The following CPB1 variants were observed in gnomAD, a reference collection of about 807,000 sequenced individuals.
The protein encoded by CPB1 is carboxypeptidase B.
CPB1 carries 53 observed loss-of-function variants against 51.4 expected under a neutral mutation model. That is an observed-to-expected ratio of 1.03 (90% CI 0.83 to 1.30). The LOEUF is 1.30. Among genes scored for constraint, CPB1 ranks in the 50% most tolerant of loss-of-function variants. The probability of loss-of-function intolerance (pLI) is 0.00; values close to 1 mark genes in which losing one functional copy is unlikely to be tolerated. For missense variants in CPB1, 494 were observed against 516.2 expected (o/e 0.96, Z 0.42); for synonymous variants, 189 against 186.9 (o/e 1.01, Z -0.09).
chr3:148,844,231 A>G (rs1277288973), intron 6 of CPB1, among the ~76,000 whole-genome samples: 2 of 152,192 alleles, frequency 1.3e-5, no homozygotes, highest in African/African-American at 4.8e-5. Flanking sequence ...ATTAAAGTAA[A>G]AAGTTAAAAT....
Position 148,834,488 on chromosome 3 carries a change from C to A in CPB1, c.148-10C>A, listed in dbSNP as rs1712833997. Reference sequence around the variant, plus strand: ...TTATAGGTATCCAATATATCTTGTCCTTTATTCAGATTGACTTCTGGAAGC... The same window carrying A: ...TTATAGGTATCCAATATATCTTGTCATTTATTCAGATTGACTTCTGGAAGC... On this transcript the variant is annotated splice_polypyrimidine_tract_variant and intron_variant, in intron 2 of 10. Coordinates refer to ENST00000282957, the MANE Select transcript of CPB1 (RefSeq NM_001871.3). The A allele has an allele frequency of 1.9e-6, 3 of 1,612,114 alleles. No individual in the cohort carries two copies. Among genetic ancestry groups the A allele is most frequent in the Non-Finnish European group, 2.5e-6 (3 of 1,178,498 alleles).
intron 9 of CPB1, among the ~76,000 whole-genome samples, chr3:148,848,439 T>C (rs1237180837): frequency 6.6e-6 from 1 of 152,100 alleles, no homozygotes; most frequent in Non-Finnish European, 1.5e-5. Flanking sequence ...AAGGAAACAA[T>C]GAGGACTTAC....
Position 148,840,768 on chromosome 3 carries a change from T to C in CPB1, c.355T>C (p.Tyr119His). Residue 119 changes from tyrosine (Y) to histidine (H), a missense_variant, in exon 4 of 11, where the codon TAC becomes CAC. Physicochemically the swap from Tyr to His is moderately conservative, Grantham distance 83 (BLOSUM62 2). Coordinates refer to ENST00000282957, the MANE Select transcript of CPB1 (RefSeq NM_001871.3). The part of the protein sequence containing the change: ...VRATGHSYEK[Y>H]NKWETIEAWT... ...TGCAACAGGACACAGTTATGAGAAG[T>C]ACAACAAGTGGGAAACGGTATGATG... The C allele has an allele frequency of 6.2e-7, 1 of 1,614,122 alleles. No individual in the cohort carries two copies. The highest frequency in any genetic ancestry group is 8.5e-7 in the Non-Finnish European group (1 of 1,179,986).
At chr3:148,852,420 C>T (rs1490496950) in intron 9 of CPB1, among the ~76,000 whole-genome samples, 6 of 152,108 alleles carry the variant, frequency 3.9e-5, no homozygotes, top group Non-Finnish European at 5.9e-5. Flanking sequence ...CACAGAACAG[C>T]CCTCCCATCC....
At chr3:148,845,692 A>C (rs1713215723) in intron 9 of CPB1, 66 bp downstream of exon 9, 3 of 1,309,448 alleles carry the variant, frequency 2.3e-6, no homozygotes, top group Non-Finnish European at 1.1e-6. Context: ...ATCCTGAAAA[A>C]AAAATCATTA....
intron 3 of CPB1, among the ~76,000 whole-genome samples, chr3:148,839,265 G>T (rs1172903795): frequency 1.3e-5 from 2 of 152,148 alleles, no homozygotes; most frequent in African/African-American, 2.4e-5. Flanking sequence ...AAAGGGCAAG[G>T]AATTAGATTC....
Position 148,840,910 on chromosome 3 carries a change from C to A in CPB1, c.409C>A (p.Pro137Thr), listed in dbSNP as rs1713055818. ...AWTQQVATEN[P>T]ALISRSVIGT... ...GACTCAACAAGTCGCCACTGAGAAT[C>A]CAGCCCTCATCTCTCGCAGTGTTAT... Residue 137 changes from proline to threonine, a missense_variant, in exon 5 of 11, where the codon CCA (proline) becomes ACA (threonine). Pro to Thr is a conservative substitution (Grantham distance 38). Transcript: ENST00000282957. 1 of 1,614,158 alleles carries A rather than the reference C, an allele frequency of 6.2e-7. No homozygotes were observed.
intron 3 of CPB1, among the ~76,000 whole-genome samples, chr3:148,836,017 T>C (rs1226382108): frequency 6.6e-6 from 1 of 152,186 alleles, no homozygotes; most frequent in East Asian, 1.9e-4. Flanking sequence ...TTCAGCTTTC[T>C]TATCCATAAA....
intron 10 of CPB1, among the ~76,000 whole-genome samples, chr3:148,859,501 T>C (rs1168821870): frequency 6.6e-6 from 1 of 152,188 alleles, no homozygotes; most frequent in Non-Finnish European, 1.5e-5. Flanking sequence ...TCCTGAGAGA[T>C]ACACATCCTT....
chr3:148,846,023 T>TAGCAGAGCAC (rs1211260563), intron 9 of CPB1, among the ~76,000 whole-genome samples: 1 of 152,208 alleles, frequency 6.6e-6, no homozygotes, highest in Non-Finnish European at 1.5e-5. Context: ...ATCCAGAGCA[T>TAGCAGAGCAC]AGCAGAGCAC....
chr3:148,843,305 T>C (rs560430781), intron 6 of CPB1, among the ~76,000 whole-genome samples: 21 of 152,280 alleles, frequency 1.4e-4, no homozygotes, highest in African/African-American at 5.1e-4. Flanking sequence ...ACTTTTGCAA[T>C]TCTTCTGTAC....
At chr3:148,829,524 C>T (rs764880603) in intron 2 of CPB1, among the ~76,000 whole-genome samples, 1 of 152,126 alleles carries the variant, frequency 6.6e-6, no homozygotes, top group Non-Finnish European at 1.5e-5. Context: ...TTTGTGCTTA[C>T]CTAATTGACT....
intron 2 of CPB1, 96 bp downstream of exon 2, chr3:148,828,173 T>C (rs1712629095): frequency 3.1e-6 from 3 of 982,458 alleles, no homozygotes; most frequent in Non-Finnish European, 4.6e-6. Context: ...ATATTAACTA[T>C]AGCATTTTGG....
chr3:148,850,353 G>C (rs1713388200), intron 9 of CPB1, among the ~76,000 whole-genome samples: 1 of 152,150 alleles, frequency 6.6e-6, no homozygotes. Context: ...CCAGGCTGGA[G>C]TGCAGTGGTG....
chr3:148,834,886 T>C (rs996846853), intron 3 of CPB1, among the ~76,000 whole-genome samples: 3 of 152,220 alleles, frequency 2.0e-5, no homozygotes, highest in Non-Finnish European at 4.4e-5. Flanking sequence ...TGGTCCATTT[T>C]ACAAGCAATG....
At chr3:148,856,220 C>T (rs1032165828) in intron 9 of CPB1, 5 of 152,160 alleles carry the variant, frequency 3.3e-5, no homozygotes, top group Non-Finnish European at 2.9e-5. Flanking sequence ...ATGTTAGTTC[C>T]AGGAAGCTGA....
At chr3:148,836,304 T>G (rs1712900351) in intron 3 of CPB1, among the ~76,000 whole-genome samples, 2 of 152,252 alleles carry the variant, frequency 1.3e-5, no homozygotes, top group South Asian at 4.1e-4. Flanking sequence ...AGATATAACC[T>G]GGTAAGTCTC....
intron 9 of CPB1, chr3:148,852,047 G>A (rs1270434205): frequency 6.6e-6 from 1 of 152,098 alleles, no homozygotes; most frequent in African/African-American, 2.4e-5. Context: ...AATTTAACTG[G>A]TCAGTCTGTA....
At chr3:148,857,600 T>C in intron 10 of CPB1, 59 bp downstream of exon 10, 2 of 1,290,964 alleles carry the variant, frequency 1.5e-6, no homozygotes, top group Non-Finnish European at 2.2e-6. Flanking sequence ...CAACGAAAGG[T>C]TCCTGGGGCC....
Sources: gnomAD v4.1 joint callset for allele counts (sites outside exome capture counted in the v4.1 genomes callset) on GRCh38, gnomAD v4.1.1 for gene constraint, MANE v1.5 for transcripts, NCBI Gene and HGNC (gene_info 2026-07-23, HGNC 2026-07-21) for gene names.